The following ZNF385D variants were observed in gnomAD, a reference collection of about 807,000 sequenced individuals.
The protein encoded by ZNF385D is zinc finger protein 659.
ZNF385D carries 15 observed loss-of-function variants against 35.8 expected under a neutral mutation model. The ratio of observed to expected loss-of-function variants is 0.42; its 90% CI spans 0.28 to 0.64. ZNF385D has a LOEUF of 0.64. Among genes scored for constraint, ZNF385D ranks in the 30% least tolerant of loss-of-function variants. ZNF385D has a pLI of 0.23. For synonymous variants in ZNF385D, 212 were observed against 186.8 expected, an observed-to-expected ratio of 1.13 and a Z score of -1.10; for missense variants, 474 against 494.6, an observed-to-expected ratio of 0.96 and a Z score of 0.39.
rs544167053 is a variant in ZNF385D, at chr3:21,868,209, A to G, written c.326-203181T>C. On this transcript the variant is annotated intron_variant, in intron 3 of 5. Coordinates refer to the ZNF385D transcript ENST00000494108. ...ATGCAGTCTCTGTTGCAATTTTTCA[A>G]CTCACTTATTGCACTGAAAGCATCC... 9.2e-5 allele frequency among the ~76,000 whole-genome samples: 14 copies of G among 152,160 alleles called. No individual in the cohort carries two copies. The South Asian group carries it at 2.9e-3, about 32-fold the overall frequency.
At chr3:22,148,018 T>C (rs1411138103) in intron 3 of ZNF385D, among the ~76,000 whole-genome samples, 4 of 152,318 alleles carry the variant, frequency 2.6e-5, no homozygotes, top group African/African-American at 7.2e-5. Flanking sequence ...AATTGCTTTA[T>C]AACTCCTTAT....
chr3:22,081,001 ATATG>A (rs1323419583), intron 3 of ZNF385D, among the ~76,000 whole-genome samples: 4 of 152,208 alleles, frequency 2.6e-5, no homozygotes, highest in African/African-American at 2.4e-5. Context: ...CTTATGATAC[ATATG>A]TATGTGTATA....
chr3:21,690,155 T>C (rs888159404), intron 1 of ZNF385D, among the ~76,000 whole-genome samples: 3 of 152,184 alleles, frequency 2.0e-5, no homozygotes, highest in African/African-American at 7.2e-5. Flanking sequence ...TAAATAAATA[T>C]AATTTTAATA....
At chr3:21,788,710 C>T (rs370806609) in intron 3 of ZNF385D, among the ~76,000 whole-genome samples, 3 of 152,296 alleles carry the variant, frequency 2.0e-5, no homozygotes, top group South Asian at 4.1e-4. Flanking sequence ...AAAGAATAAA[C>T]TCCTCCATGC....
At chr3:22,118,708 T>C (rs909679324) in intron 3 of ZNF385D, among the ~76,000 whole-genome samples, 2 of 152,142 alleles carry the variant, frequency 1.3e-5, no homozygotes, top group African/African-American at 4.8e-5. Context: ...GTTTTGTCTC[T>C]GAAGCCTGAT....
intron 3 of ZNF385D, among the ~76,000 whole-genome samples, chr3:21,916,336 G>A (rs1479961): frequency 0.54 from 81,301 of 151,890 alleles, 23,809 homozygotes; most frequent in South Asian, 0.66. Context: ...ATTTAATTTT[G>A]TTCTTCAAAC....
chr3:22,211,158 A>G (rs1697493457), intron 2 of ZNF385D, among the ~76,000 whole-genome samples: 1 of 151,974 alleles, frequency 6.6e-6, no homozygotes, highest in South Asian at 2.1e-4. Context: ...TCAGGAGATT[A>G]TAAATTTCTC....
At chr3:22,336,316 C>A (rs186071117) in intron 2 of ZNF385D, among the ~76,000 whole-genome samples, 2 of 152,140 alleles carry the variant, frequency 1.3e-5, no homozygotes, top group Non-Finnish European at 2.9e-5. Flanking sequence ...AATACTATTG[C>A]AACTTGTACA....
At chr3:21,987,059 T>C (rs1694845184) in intron 3 of ZNF385D, among the ~76,000 whole-genome samples, 1 of 111,932 alleles carries the variant, frequency 8.9e-6, no homozygotes, top group African/African-American at 4.0e-5. Context: ...AGCCTATGTA[T>C]GTCTCTGCAC....
At chr3:22,145,639 G>A (rs1333485404) in intron 3 of ZNF385D, among the ~76,000 whole-genome samples, 2 of 152,318 alleles carry the variant, frequency 1.3e-5, no homozygotes, top group African/African-American at 2.4e-5. Context: ...GGGGTTTTGA[G>A]TTACAAAAAC....
At chr3:21,779,465 A>T (rs2071411580) in intron 3 of ZNF385D, among the ~76,000 whole-genome samples, 1 of 152,014 alleles carries the variant, frequency 6.6e-6, no homozygotes, top group South Asian at 2.1e-4. Flanking sequence ...TATGGCCAAA[A>T]GCATAATGTT....
chr3:21,587,040 G>GTT lies in ZNF385D; in HGVS notation c.166-22358_166-22357dup, dbSNP rs759916451. On this transcript the variant is annotated intron_variant, in intron 2 of 7. Coordinates refer to ENST00000281523, the MANE Select transcript of ZNF385D (RefSeq NM_024697.3). ...CACCCATGTAAACGTATGAAAGAAT[G>GTT]TTATGTCAGTAAACGTTTAAAATTT... Among the ~76,000 whole-genome samples, 27 of 152,198 alleles carry GTT rather than the reference G, an allele frequency of 1.8e-4. No homozygotes were observed. The East Asian group carries it at 5.2e-3, about 29-fold the overall frequency.
chr3:22,095,973 T>A (rs972885876), intron 3 of ZNF385D, among the ~76,000 whole-genome samples: 2 of 152,018 alleles, frequency 1.3e-5, no homozygotes, highest in Non-Finnish European at 2.9e-5. Context: ...AATGATTCTG[T>A]AAATGACTAA....
Position 21,859,453 on chromosome 3 carries a change from C to T in ZNF385D, c.326-194425G>A, listed in dbSNP as rs567757644. ...CAATAAAGGGAAAACCACACTTGCC[C>T]TGTTTTCATGGTCATGTAGATGAAA... On this transcript the variant is annotated intron_variant, in intron 3 of 5. Transcript: ENST00000494108. 1.3e-4 allele frequency among the ~76,000 whole-genome samples: 20 copies of T among 152,024 alleles called. No individual in the cohort carries two copies. The East Asian group carries it at 3.5e-3, about 27-fold the overall frequency.
intron 3 of ZNF385D, among the ~76,000 whole-genome samples, chr3:21,764,125 G>C (rs545194300): frequency 6.6e-6 from 1 of 152,220 alleles, no homozygotes; most frequent in Non-Finnish European, 1.5e-5. Context: ...TAAAGAACGC[G>C]GTTGATTTGA....
intron 3 of ZNF385D, among the ~76,000 whole-genome samples, chr3:21,978,702 T>C (rs1694202549): frequency 6.6e-6 from 1 of 152,218 alleles, no homozygotes; most frequent in African/African-American, 2.4e-5. Flanking sequence ...TAGCTCATTG[T>C]AAATTTAATC....
intron 3 of ZNF385D, among the ~76,000 whole-genome samples, chr3:22,149,593 C>T (rs774657816): frequency 1.6e-4 from 24 of 152,270 alleles, no homozygotes; most frequent in Non-Finnish European, 3.1e-4. Context: ...AAGCCACGAC[C>T]ATAGAGGTAT....
intron 3 of ZNF385D, among the ~76,000 whole-genome samples, chr3:21,941,615 A>G (rs752257208): frequency 1.4e-5 from 2 of 146,482 alleles, no homozygotes; most frequent in African/African-American, 2.5e-5. Flanking sequence ...CTCCTGCCTC[A>G]GCCTCCCGAG....
rs569276114 is a variant in ZNF385D at position 21,988,901 on chromosome 3, T to C, written c.325+179916A>G. Among the ~76,000 whole-genome samples the C allele has an allele frequency of 1.2e-3, 189 of 152,316 alleles. 2 individuals carry two copies. The highest frequency in any genetic ancestry group is 1.9e-3 in the East Asian group (10 of 5,158). Reference sequence around the variant, plus strand: ...CCGTTTTTTAAGCCGGTCTGAAAAGTGCAATATTCGGGTGGGAGTGACCCG... The same window carrying C: ...CCGTTTTTTAAGCCGGTCTGAAAAGCGCAATATTCGGGTGGGAGTGACCCG... On this transcript the variant is annotated intron_variant, in intron 3 of 5. Transcript: ENST00000494108.
Sources: allele counts gnomAD v4.1 joint callset (sites outside exome capture counted in the v4.1 genomes callset), GRCh38; gene constraint gnomAD v4.1.1; transcripts MANE v1.5; gene names NCBI Gene and HGNC (gene_info 2026-07-23, HGNC 2026-07-21).